Variants in ITGA8 observed in about 807,000 individuals in gnomAD.
ITGA8 encodes integrin alpha-8.
ITGA8 carries 91 observed loss-of-function variants against 142.3 expected under a neutral mutation model. The observed-to-expected ratio is 0.64, with a 90% CI of 0.54 to 0.76. The LOEUF (loss-of-function observed/expected upper bound fraction) is 0.76. Among genes scored for constraint, ITGA8 ranks in the 30% least tolerant of loss-of-function variants. The probability of loss-of-function intolerance (pLI) is 0.00; values close to 1 mark genes in which losing one functional copy is unlikely to be tolerated. For synonymous variants in ITGA8, 505 were observed against 485.2 expected, an observed-to-expected ratio of 1.04 and a Z score of -0.54; for missense variants, 1,406 against 1,327.7, an observed-to-expected ratio of 1.06 and a Z score of -0.92.
intron 28 of ITGA8, among the ~76,000 whole-genome samples, chr10:15,524,506 G>A (rs543305467): frequency 1.3e-5 from 2 of 152,312 alleles, no homozygotes; most frequent in South Asian, 4.1e-4. Context: ...GAAGAGTCAC[G>A]TATATGTCTC....
At chr10:15,568,648 A>G (rs1834120795) in intron 25 of ITGA8, among the ~76,000 whole-genome samples, 1 of 152,194 alleles carries the variant, frequency 6.6e-6, no homozygotes, top group African/African-American at 2.4e-5. Flanking sequence ...TGGCATTCAG[A>G]ATGCATTTCT....
At chr10:15,535,093 T>C (rs994144322) in intron 27 of ITGA8, among the ~76,000 whole-genome samples, 2 of 152,020 alleles carry the variant, frequency 1.3e-5, no homozygotes, top group Admixed American at 6.5e-5. Context: ...GCGGCTGCGG[T>C]AGGTGTGCTG....
chr10:15,563,655 C>T (rs563044190), intron 25 of ITGA8, among the ~76,000 whole-genome samples: 18 of 152,146 alleles, frequency 1.2e-4, no homozygotes, highest in Non-Finnish European at 2.4e-4. Context: ...TGGCTCACGC[C>T]GGTAATCCCA....
At chr10:15,719,057 GAA>G (rs1835507630) in intron 1 of ITGA8, among the ~76,000 whole-genome samples, 158 bp from the exon 2 acceptor site, 1 of 151,616 alleles carries the variant, frequency 6.6e-6, no homozygotes, top group African/African-American at 2.4e-5. Flanking sequence ...TTTCCTCTTG[GAA>G]ACGGGGGTCC....
At chr10:15,717,357 C>T (rs980708155) in intron 2 of ITGA8, among the ~76,000 whole-genome samples, 69 of 152,180 alleles carry the variant, frequency 4.5e-4, no homozygotes, top group African/African-American at 1.6e-3. Flanking sequence ...ACAAATGATT[C>T]GGATATGAAT....
chr10:15,636,539 A>G (rs912651982), intron 13 of ITGA8, among the ~76,000 whole-genome samples: 1 of 152,184 alleles, frequency 6.6e-6, no homozygotes, highest in African/African-American at 2.4e-5. Flanking sequence ...TCTGTATATT[A>G]TATAACAAAA....
At chr10:15,623,827 C>T (rs1833536161) in intron 13 of ITGA8, among the ~76,000 whole-genome samples, 2 of 152,170 alleles carry the variant, frequency 1.3e-5, no homozygotes, top group African/African-American at 4.8e-5. Flanking sequence ...AGAGAACAGT[C>T]CCATCATGCC....
intron 2 of ITGA8, among the ~76,000 whole-genome samples, chr10:15,691,051 A>G (rs1834924528): frequency 6.6e-6 from 1 of 152,212 alleles, no homozygotes; most frequent in Non-Finnish European, 1.5e-5. Context: ...ATATTTTATG[A>G]AAGAAGGCAT....
At chr10:15,527,225 A>G (rs182099862) in intron 28 of ITGA8, among the ~76,000 whole-genome samples, 3 of 152,256 alleles carry the variant, frequency 2.0e-5, no homozygotes, top group African/African-American at 7.2e-5. Context: ...CATAAATTTC[A>G]ACTCCAAATA....
intron 13 of ITGA8, among the ~76,000 whole-genome samples, chr10:15,623,704 AAAAT>A (rs1407818641): frequency 1.3e-5 from 2 of 152,138 alleles, no homozygotes; most frequent in Non-Finnish European, 2.9e-5. Context: ...AATAGATATA[AAAAT>A]AAATAAATAA....
chr10:15,686,159 C>T (rs1834829830), intron 3 of ITGA8, among the ~76,000 whole-genome samples: 1 of 152,216 alleles, frequency 6.6e-6, no homozygotes, highest in South Asian at 2.1e-4. Context: ...GTAGTCTATG[C>T]TTCCAAATCT....
chr10:15,685,591 A>G (rs1834819688), intron 3 of ITGA8, among the ~76,000 whole-genome samples: 1 of 152,170 alleles, frequency 6.6e-6, no homozygotes, highest in African/African-American at 2.4e-5. Flanking sequence ...TGCTTTTATG[A>G]TTTATAATTT....
At chr10:15,549,646 T>G (rs542920828) in intron 26 of ITGA8, among the ~76,000 whole-genome samples, 1 of 152,332 alleles carries the variant, frequency 6.6e-6, no homozygotes, top group East Asian at 1.9e-4. Flanking sequence ...TTGTGGCCCA[T>G]GCGTATTCAT....
At chr10:15,610,891 G>A (rs942807957) in intron 15 of ITGA8, among the ~76,000 whole-genome samples, 5 of 151,942 alleles carry the variant, frequency 3.3e-5, no homozygotes, top group African/African-American at 4.8e-5. Flanking sequence ...GAAGTATTTC[G>A]CTAGTTTTTC....
At chr10:15,665,367 G>GT (rs1051640645) in intron 8 of ITGA8, among the ~76,000 whole-genome samples, 17 of 152,024 alleles carry the variant, frequency 1.1e-4, no homozygotes, top group African/African-American at 3.9e-4. Context: ...GGGGTTGTTT[G>GT]TTTTTTTCTC....
intron 6 of ITGA8, 124 bp from the exon 7 acceptor site, chr10:15,672,873 G>C (rs1281879972): frequency 6.6e-6 from 7 of 1,061,000 alleles, no homozygotes; most frequent in African/African-American, 1.6e-5. Flanking sequence ...GAATTTTCCC[G>C]CCTGCCGCTC....
At chr10:15,593,554 T>G (rs181234309) in intron 21 of ITGA8, among the ~76,000 whole-genome samples, 1 of 152,322 alleles carries the variant, frequency 6.6e-6, no homozygotes, top group African/African-American at 2.4e-5. Context: ...GCCACTATAG[T>G]ATCAGAATCA....
chr10:15,569,540 T>C (rs1434416429), intron 25 of ITGA8, among the ~76,000 whole-genome samples: 4 of 152,230 alleles, frequency 2.6e-5, no homozygotes, highest in Admixed American at 6.5e-5. Context: ...CTGTTCCTTT[T>C]AGTAAGCCCA....
intron 2 of ITGA8, among the ~76,000 whole-genome samples, chr10:15,710,797 G>C (rs931495272): frequency 3.3e-5 from 5 of 152,180 alleles, no homozygotes; most frequent in African/African-American, 1.2e-4. Flanking sequence ...GGCTTCCACT[G>C]CTGTACCTGG....
Sources: gnomAD v4.1 joint callset for allele counts (sites outside exome capture counted in the v4.1 genomes callset) on GRCh38, gnomAD v4.1.1 for gene constraint, MANE v1.5 for transcripts, NCBI Gene and HGNC (gene_info 2026-07-23, HGNC 2026-07-21) for gene names.